The following MACROD1 variants were observed in gnomAD, a reference collection of about 807,000 sequenced individuals.
MACROD1 encodes ADP-ribose glycohydrolase MACROD1.
Under a neutral mutation model 41.4 loss-of-function variants are expected in MACROD1, and 31 were observed. The ratio of observed to expected loss-of-function variants is 0.75; its 90% CI spans 0.56 to 1.01. The LOEUF (loss-of-function observed/expected upper bound fraction) is 1.01, where lower values mean the gene tolerates loss of function less well. Ranked by LOEUF, MACROD1 falls within the 50% of genes least tolerant of loss-of-function variation. MACROD1 has a pLI of 0.00. For synonymous variants in MACROD1, 252 were observed against 203.4 expected (o/e 1.24, Z -2.03); for missense variants, 473 against 460.0 (o/e 1.03, Z -0.26).
chr11:64,058,758 G>T (rs1468672879), intron 3 of MACROD1, among the ~76,000 whole-genome samples: 1 of 152,258 alleles, frequency 6.6e-6, no homozygotes, highest in Admixed American at 6.5e-5. Context: ...GCAGCTTCTA[G>T]GGTGGCCAGA....
chr11:64,083,357 AC>A (rs1346109422), intron 3 of MACROD1, among the ~76,000 whole-genome samples: 1 of 152,056 alleles, frequency 6.6e-6, no homozygotes, highest in Non-Finnish European at 1.5e-5. Context: ...AATCTCTTGA[AC>A]CCAGGAAGTG....
chr11:64,081,395 G>C (rs1944300827), intron 3 of MACROD1, among the ~76,000 whole-genome samples: 1 of 152,196 alleles, frequency 6.6e-6, no homozygotes, highest in Non-Finnish European at 1.5e-5. Flanking sequence ...GGCGTGCTCA[G>C]GGACGTTACA....
chr11:64,107,561 A>G (rs1944785763), intron 3 of MACROD1, among the ~76,000 whole-genome samples: 1 of 152,248 alleles, frequency 6.6e-6, no homozygotes, highest in Non-Finnish European at 1.5e-5. Flanking sequence ...ACCGCCAGTG[A>G]TAACAGCTGA....
intron 5 of MACROD1, 106 bp from the exon 6 acceptor site, chr11:63,999,869 C>G (rs1208986370): frequency 4.6e-6 from 6 of 1,305,008 alleles, no homozygotes; most frequent in East Asian, 4.9e-5. Context: ...ACCTTTCCCC[C>G]CAAGCGCTGA....
At chr11:64,026,295 G>T (rs1943223244) in intron 3 of MACROD1, among the ~76,000 whole-genome samples, 1 of 152,178 alleles carries the variant, frequency 6.6e-6, no homozygotes, top group Admixed American at 6.5e-5. Flanking sequence ...TAAGGGCTGG[G>T]ATTACAGGTG....
intron 3 of MACROD1, among the ~76,000 whole-genome samples, chr11:64,112,001 G>A (rs1451133217): frequency 6.6e-6 from 1 of 152,204 alleles, no homozygotes; most frequent in Non-Finnish European, 1.5e-5. Context: ...CTGAGGTCCT[G>A]CAGCCACGCA....
chr11:64,087,240 C>T (rs1944410805), intron 3 of MACROD1: 1 of 152,288 alleles, frequency 6.6e-6, no homozygotes, highest in Admixed American at 6.5e-5. Context: ...CCACTGCTCT[C>T]CTGGGCCCCT....
chr11:64,025,824 A>T (rs1022416022), intron 3 of MACROD1, among the ~76,000 whole-genome samples: 1 of 150,582 alleles, frequency 6.6e-6, no homozygotes. Flanking sequence ...GGCTCAAGAG[A>T]TCCTTCTGCC....
At chr11:64,141,965 C>A (rs2134681548) in intron 3 of MACROD1, among the ~76,000 whole-genome samples, 2 of 152,336 alleles carry the variant, frequency 1.3e-5, no homozygotes, top group East Asian at 3.9e-4. Flanking sequence ...CCCTGTCCTC[C>A]TCTACAGGAC....
chr11:64,095,022 C>A (rs544381119), intron 3 of MACROD1, among the ~76,000 whole-genome samples: 1 of 152,134 alleles, frequency 6.6e-6, no homozygotes, highest in Admixed American at 6.5e-5. Flanking sequence ...AAAAGTGTGC[C>A]GCGAATGCTT....
intron 3 of MACROD1, among the ~76,000 whole-genome samples, chr11:64,040,723 C>T (rs934300618): frequency 6.6e-6 from 1 of 152,084 alleles, no homozygotes; most frequent in African/African-American, 2.4e-5. Flanking sequence ...AAGGAGAGTC[C>T]GCAGAAACCC....
chr11:64,165,857 C>G lies in MACROD1; in HGVS notation c.138G>C (p.Ala46=). The G allele has an allele frequency of 6.9e-7, 1 of 1,456,962 alleles. No homozygotes were observed. Among genetic ancestry groups the G allele is most frequent in the African/African-American group, 1.5e-5 (1 of 67,680 alleles). 90.3% of individuals were successfully genotyped at this position (1,456,962 alleles called of 1,614,324 possible). Residue 46 remains alanine, a synonymous_variant, in exon 1 of 11, where the codon GCG becomes GCC. Coordinates refer to ENST00000255681, the MANE Select transcript of MACROD1 (RefSeq NM_014067.4). ...CACGGCGGCCGAACACGCCCAGGAA[C>G]GCCGGGGGACCGCACGTGCTGCTGC... ...RTRSSTCGPP[A]FLGVFGRRAR... is the part of the protein sequence containing the mutation.
intron 3 of MACROD1, among the ~76,000 whole-genome samples, chr11:64,069,844 C>T (rs1944074663): frequency 1.3e-5 from 2 of 152,224 alleles, no homozygotes; most frequent in Non-Finnish European, 2.9e-5. Flanking sequence ...AAGTCTTTAG[C>T]AAATGGTTCA....
At chr11:64,039,718 C>T (rs906555691) in intron 3 of MACROD1, among the ~76,000 whole-genome samples, 12 of 152,324 alleles carry the variant, frequency 7.9e-5, no homozygotes, top group East Asian at 3.9e-4. Context: ...TGTTTACCAT[C>T]GCTCGAGGCC....
At chr11:64,112,761 G>GTTCTCAC (rs1944885429) in intron 3 of MACROD1, among the ~76,000 whole-genome samples, 1 of 152,216 alleles carries the variant, frequency 6.6e-6, no homozygotes, top group Non-Finnish European at 1.5e-5. Context: ...GCTGCAGTCA[G>GTTCTCAC]TGAGAGGGGA....
At chr11:64,035,196 G>A (rs1943349534) in intron 3 of MACROD1, among the ~76,000 whole-genome samples, 2 of 152,182 alleles carry the variant, frequency 1.3e-5, no homozygotes, top group Non-Finnish European at 2.9e-5. Flanking sequence ...GATGGGAGGG[G>A]GCGCTGGCAT....
At chr11:64,145,735 G>C (rs1945486177) in intron 3 of MACROD1, among the ~76,000 whole-genome samples, 1 of 152,184 alleles carries the variant, frequency 6.6e-6, no homozygotes, top group African/African-American at 2.4e-5. Flanking sequence ...AAGCCAGGCA[G>C]CTGGACCCCT....
At chr11:64,079,653 C>T (rs1944269997) in intron 3 of MACROD1, among the ~76,000 whole-genome samples, 1 of 152,208 alleles carries the variant, frequency 6.6e-6, no homozygotes, top group Non-Finnish European at 1.5e-5. Flanking sequence ...TCACTCAAAG[C>T]CTGTGGGAGC....
chr11:64,000,722 C>T (rs983927064), intron 4 of MACROD1, among the ~76,000 whole-genome samples: 11 of 152,198 alleles, frequency 7.2e-5, no homozygotes, highest in African/African-American at 2.2e-4. Context: ...CTCCCCGACG[C>T]CCCTCCCTAG....
Sources: gnomAD v4.1 joint callset for allele counts (sites outside exome capture counted in the v4.1 genomes callset) on GRCh38, gnomAD v4.1.1 for gene constraint, MANE v1.5 for transcripts, NCBI Gene and HGNC (gene_info 2026-07-23, HGNC 2026-07-21) for gene names.